IQCM: variants seen among roughly 807,000 people sequenced by gnomAD.
The protein encoded by IQCM is IQ motif containing M, also known as IQ domain-containing protein M.
IQCM carries 45 observed loss-of-function variants against 57.6 expected under a neutral mutation model. The observed-to-expected ratio is 0.78, with a 90% CI of 0.62 to 1.00. The LOEUF is 1.00. Ranked by LOEUF, IQCM falls within the 50% of genes least tolerant of loss-of-function variation. IQCM has a pLI of 0.00. For synonymous variants in IQCM, 148 were observed against 158.9 expected (o/e 0.93, Z 0.51); for missense variants, 468 against 511.6 (o/e 0.91, Z 0.82).
At chr4:149,368,864 A>ATG (rs747227931) in intron 13 of IQCM, among the ~76,000 whole-genome samples, 2 of 83,336 alleles carry the variant, frequency 2.4e-5, no homozygotes, top group African/African-American at 4.7e-5. Flanking sequence ...ATGTATATAT[A>ATG]TACATATATA....
intron 12 of IQCM, among the ~76,000 whole-genome samples, chr4:149,468,378 C>T (rs1267552345): frequency 2.0e-5 from 3 of 152,344 alleles, no homozygotes; most frequent in South Asian, 2.1e-4. Context: ...TTGCTCACTG[C>T]TAGCACAGTA....
intron 2 of IQCM, among the ~76,000 whole-genome samples, chr4:149,787,912 T>C (rs1291881880): frequency 6.6e-6 from 1 of 152,016 alleles, no homozygotes; most frequent in Non-Finnish European, 1.5e-5. Context: ...TGGAAGAAAA[T>C]ATTTGCACAC....
At position 149,630,002 on chromosome 4, in the gene IQCM, T is replaced by C. The variant is rs186822669; in HGVS notation, c.566-8758A>G. Among the ~76,000 whole-genome samples the C allele has an allele frequency of 4.5e-4, 68 of 152,074 alleles. No homozygotes were observed. In the East Asian group the frequency reaches 0.011, roughly 25 times the overall value. The stretch of plus-strand genomic sequence containing the variant: ...GTGGGGTGGGGGGGTGGGCAGGGTG[T>C]GAACCACAGTATCATTAGGTAAAAG... On this transcript the variant is annotated intron_variant, in intron 7 of 13. Transcript: ENST00000636793.
At chr4:149,801,488 C>T (rs1334452313) in intron 2 of IQCM, among the ~76,000 whole-genome samples, 3 of 151,946 alleles carry the variant, frequency 2.0e-5, no homozygotes, top group African/African-American at 7.2e-5. Flanking sequence ...TTGGAAGCAA[C>T]TTAAGTATCT....
At chr4:149,455,787 G>A (rs549039917) in intron 12 of IQCM, among the ~76,000 whole-genome samples, 12 of 151,834 alleles carry the variant, frequency 7.9e-5, no homozygotes, top group Non-Finnish European at 1.5e-4. Flanking sequence ...ACAAAATAGC[G>A]AGACACCTGT....
rs954767598 is a variant in IQCM, at chr4:149,450,257, T to A, written c.1229-16700A>T. ...CTAAGACCTCAAACTGTGAAACTAC[T>A]ACCAGAAAACATTGGGAGGAATCTC... On this transcript the variant is annotated intron_variant, in intron 12 of 13. Transcript: ENST00000636793. Among the ~76,000 whole-genome samples, 3 of 151,884 alleles carry A rather than the reference T, an allele frequency of 2.0e-5. No individual in the cohort carries two copies. The Admixed American group carries it at 2.0e-4, about 10-fold the overall frequency.
chr4:149,616,781 T>C (rs1287908998), intron 8 of IQCM, among the ~76,000 whole-genome samples: 3 of 151,814 alleles, frequency 2.0e-5, no homozygotes, highest in African/African-American at 4.8e-5. Flanking sequence ...AAATAGCTAA[T>C]GCATTTGGGG....
At chr4:149,793,534 A>T (rs1174614896) in intron 2 of IQCM, 1 of 152,200 alleles carries the variant, frequency 6.6e-6, no homozygotes, top group Non-Finnish European at 1.5e-5. Flanking sequence ...ATTATTTTAA[A>T]TATGCATGTT....
chr4:149,602,562 G>C (rs879787607), intron 8 of IQCM, among the ~76,000 whole-genome samples: 1 of 151,922 alleles, frequency 6.6e-6, no homozygotes, highest in Admixed American at 6.6e-5. Flanking sequence ...TTCTGAATCT[G>C]TATACTTACC....
intron 3 of IQCM, among the ~76,000 whole-genome samples, chr4:149,741,289 C>T (rs1024406635): frequency 2.6e-5 from 4 of 152,202 alleles, no homozygotes; most frequent in East Asian, 1.9e-4. Context: ...GCCTTATTTG[C>T]ACCAAGAAAT....
rs527683365 is a variant in IQCM, at chr4:149,550,812, C to T, written c.1094-2223G>A. Among the ~76,000 whole-genome samples the T allele has an allele frequency of 3.9e-5, 6 of 152,272 alleles. No homozygotes were observed. In the South Asian group the frequency reaches 1.2e-3, roughly 32 times the overall value. On this transcript the variant is annotated intron_variant, in intron 11 of 13. Coordinates refer to ENST00000636793, the MANE Select transcript of IQCM (RefSeq NM_001363507.2). The stretch of plus-strand genomic sequence containing the variant: ...ACAAATTAGAACTTGCAAATTCTGT[C>T]TCTATTGAGTTACTTTCCCCTCAAT...
At chr4:149,679,034 A>G (rs1761980253) in intron 7 of IQCM, among the ~76,000 whole-genome samples, 1 of 151,722 alleles carries the variant, frequency 6.6e-6, no homozygotes, top group South Asian at 2.1e-4. Flanking sequence ...TATTGGGTAT[A>G]TATCTTTTAA....
chr4:149,686,377 C>A lies in IQCM; in HGVS notation c.476+1G>T. ...CTATAGGTTAGCTAATTATACATTA[C>A]CTGGACTCCTCAAAGTGCTGTTGCT... On this transcript the variant is annotated splice_donor_variant, in intron 6 of 13. Transcript: ENST00000636793. LOFTEE classifies it high-confidence loss of function. The A allele has an allele frequency of 8.5e-7, 1 of 1,183,420 alleles. No individual in the cohort carries two copies. The allele number at this position is 1,183,420 out of a possible 1,614,324, so 73.3% of individuals were successfully genotyped here.
At chr4:149,813,245 GT>G (rs1435227105) in intron 2 of IQCM, among the ~76,000 whole-genome samples, 2 of 151,924 alleles carry the variant, frequency 1.3e-5, no homozygotes, top group African/African-American at 4.8e-5. Flanking sequence ...CAGATCTATC[GT>G]CTGAAAGAGG....
chr4:149,773,910 T>C (rs369295913), intron 2 of IQCM, among the ~76,000 whole-genome samples: 38 of 152,242 alleles, frequency 2.5e-4, no homozygotes, highest in African/African-American at 8.2e-4. Flanking sequence ...ATTTAGAATA[T>C]AGTTGTCATC....
chr4:149,538,072 T>A (rs1747479055), intron 12 of IQCM, among the ~76,000 whole-genome samples: 1 of 151,504 alleles, frequency 6.6e-6, no homozygotes, highest in Middle Eastern at 3.5e-3. Flanking sequence ...CAGATATCTT[T>A]TATACACTTA....
intron 7 of IQCM, among the ~76,000 whole-genome samples, chr4:149,671,549 A>G (rs1168938948): frequency 2.0e-5 from 3 of 151,928 alleles, no homozygotes; most frequent in African/African-American, 7.3e-5. Flanking sequence ...TTGCTTCTCC[A>G]GTTCTTCTAG....
chr4:149,622,267 C>A (rs1756403583), intron 7 of IQCM, among the ~76,000 whole-genome samples: 1 of 151,602 alleles, frequency 6.6e-6, no homozygotes, highest in Non-Finnish European at 1.5e-5. Flanking sequence ...TGCACTCTTT[C>A]AAAAAGGCAA....
intron 5 of IQCM, among the ~76,000 whole-genome samples, chr4:149,692,638 T>C (rs540611918): frequency 6.6e-6 from 1 of 152,298 alleles, no homozygotes; most frequent in African/African-American, 2.4e-5. Flanking sequence ...AAAAGTAGTA[T>C]ATAGAGTTAA....
Sources: gnomAD v4.1 joint callset for allele counts (sites outside exome capture counted in the v4.1 genomes callset) on GRCh38, gnomAD v4.1.1 for gene constraint, MANE v1.5 for transcripts, NCBI Gene and HGNC (gene_info 2026-07-23, HGNC 2026-07-21) for gene names.